The following DOCK8 variants were observed in gnomAD, a reference collection of about 807,000 sequenced individuals.
DOCK8 encodes the protein dedicator of cytokinesis 8.
DOCK8 carries 141 observed loss-of-function variants against 245.6 expected under a neutral mutation model. The ratio of observed to expected loss-of-function variants is 0.57; its 90% CI spans 0.50 to 0.66. The LOEUF (loss-of-function observed/expected upper bound fraction) is 0.66. Ranked by LOEUF, DOCK8 falls within the 30% of genes least tolerant of loss-of-function variation. The pLI is 0.00. For missense variants in DOCK8, 2,965 were observed against 2,603.4 expected, an observed-to-expected ratio of 1.14 and a Z score of -3.02; for synonymous variants, 1,168 against 970.2, an observed-to-expected ratio of 1.20 and a Z score of -3.79.
intron 1 of DOCK8, chr9:268,312 G>A (rs1015157237): frequency 2.0e-4 from 30 of 152,314 alleles, no homozygotes; most frequent in Middle Eastern, 3.4e-3. Context: ...TAGGTATTGG[G>A]TTAGGCTCAA....
At chr9:219,208 G>T (rs1311056598) in intron 1 of DOCK8, among the ~76,000 whole-genome samples, 1 of 152,150 alleles carries the variant, frequency 6.6e-6, no homozygotes, top group African/African-American at 2.4e-5. Flanking sequence ...ACTGGCTCAC[G>T]CCTGTAATCT....
Position 377,145 on chromosome 9 carries a change from C to T in DOCK8, c.2374C>T (p.Leu792=), listed in dbSNP as rs971762484. Residue 792 remains leucine, a synonymous_variant, in exon 20 of 48, where the codon CTG becomes TTG. Coordinates refer to ENST00000432829, the MANE Select transcript of DOCK8 (RefSeq NM_203447.4). ...CCGCCTGGAGCCGCTCGTGCTCTTC[C>T]TGCACCTGGTGCTGGACAAGCTCTT... ...SSRLEPLVLF[L]HLVLDKLFQL... The T allele has an allele frequency of 6.2e-7, 1 of 1,607,388 alleles. No individual in the cohort carries two copies. Among genetic ancestry groups the T allele is most frequent in the African/African-American group, 1.3e-5 (1 of 75,030 alleles).
intron 5 of DOCK8, among the ~76,000 whole-genome samples, chr9:306,356 C>T (rs2049827220): frequency 6.6e-6 from 1 of 152,166 alleles, no homozygotes; most frequent in Admixed American, 6.5e-5. Context: ...GGATGCTCTG[C>T]TCTATGGGAG....
intron 4 of DOCK8, among the ~76,000 whole-genome samples, chr9:293,616 C>G (rs1358540893): frequency 2.0e-5 from 3 of 152,230 alleles, no homozygotes; most frequent in African/African-American, 7.2e-5. Context: ...TATCTTTATT[C>G]AGTGAGTTCC....
At position 328,096 on chromosome 9, in the gene DOCK8, G is replaced by A. The variant is rs751839655; in HGVS notation, c.969G>A (p.Val323=). The A allele has an allele frequency of 1.2e-6, 2 of 1,614,172 alleles. No homozygotes were observed. Among genetic ancestry groups the A allele is most frequent in the Admixed American group, 1.7e-5 (1 of 60,028 alleles). The change falls in exon 9 of 48, where the codon GTG becomes GTA. Residue 323 remains valine, a synonymous_variant. Transcript: ENST00000432829. ...KGFLRAHTPS[V]AASSQARSAV... Reference sequence around the variant, plus strand: ...TTCTGCGAGCTCACACGCCTTCAGTGGCCGCATCAAGTCAGGCGAGATCTG... The same window carrying A: ...TTCTGCGAGCTCACACGCCTTCAGTAGCCGCATCAAGTCAGGCGAGATCTG...
Position 334,286 on chromosome 9 carries a change from A to G in DOCK8, c.1187A>G (p.Lys396Arg). 1 of 1,614,228 alleles carries G rather than the reference A, an allele frequency of 6.2e-7. No individual in the cohort carries two copies. Residue 396 changes from lysine to arginine, a missense_variant, in exon 11 of 48, where the codon AAA (lysine) becomes AGA (arginine). Physicochemically the swap from Lys to Arg is conservative, Grantham distance 26. This residue lies in a region of DOCK8 where 2,825 missense variants were observed against 2,453.5 expected (regional missense o/e 1.15). Transcript: ENST00000432829. Reference sequence around the variant, plus strand: ...GAATCCTTCTGCCAGCGTTTGGGGAAATACCGGATGCCCTTTGCCTGGGCA... The same window carrying G: ...GAATCCTTCTGCCAGCGTTTGGGGAGATACCGGATGCCCTTTGCCTGGGCA... ...QAESFCQRLG[K>R]YRMPFAWAPI... is the part of the protein sequence containing the mutation.
At chr9:356,283 C>T (rs985634659) in intron 14 of DOCK8, among the ~76,000 whole-genome samples, 4 of 152,070 alleles carry the variant, frequency 2.6e-5, no homozygotes, top group Non-Finnish European at 5.9e-5. Flanking sequence ...AATCCCAGCA[C>T]TTTGGGAGAC....
In DOCK8 at chr9:344,503, G is replaced by A. The variant is rs532059318; in HGVS notation, c.1679+4182G>A. ...TCACGACATGGAAATGGAAAGAATCGAGTGAGGTCTGAACCCCAGGTAAAA... is the reference window on the plus strand; with the variant it reads ...TCACGACATGGAAATGGAAAGAATCAAGTGAGGTCTGAACCCCAGGTAAAA... On this transcript the variant is annotated intron_variant, in intron 14 of 47. Coordinates refer to ENST00000432829, the MANE Select transcript of DOCK8 (RefSeq NM_203447.4). Among the ~76,000 whole-genome samples the A allele has an allele frequency of 1.8e-4, 27 of 151,938 alleles. No homozygotes were observed. The South Asian group carries it at 5.6e-3, about 32-fold the overall frequency.
At chr9:324,964 C>G (rs566167762) in intron 7 of DOCK8, among the ~76,000 whole-genome samples, 10 of 152,118 alleles carry the variant, frequency 6.6e-5, no homozygotes, top group African/African-American at 2.4e-4. Flanking sequence ...TTTTTTATCC[C>G]TCATCCCCCT....
At chr9:357,822 A>C (rs934358612) in intron 14 of DOCK8, among the ~76,000 whole-genome samples, 3 of 152,174 alleles carry the variant, frequency 2.0e-5, no homozygotes, top group Non-Finnish European at 4.4e-5. Context: ...GCCCTGGAAC[A>C]TGTTTTACCT....
chr9:274,455 G>T (rs10429525), intron 2 of DOCK8, among the ~76,000 whole-genome samples: 9 of 150,112 alleles, frequency 6.0e-5, no homozygotes, highest in East Asian at 3.9e-4. Context: ...GAAGCCCAGA[G>T]GATTGAATTC....
intron 27 of DOCK8, 142 bp from the exon 28 acceptor site, chr9:406,788 C>T (rs923553440): frequency 5.8e-5 from 58 of 993,246 alleles, no homozygotes; most frequent in African/African-American, 2.2e-4. Context: ...TTTCCTTGTC[C>T]GCCTTATCTG....
chr9:323,763 A>C (rs1021664026), intron 7 of DOCK8, among the ~76,000 whole-genome samples: 1 of 152,216 alleles, frequency 6.6e-6, no homozygotes, highest in African/African-American at 2.4e-5. Context: ...TCATGAAGTA[A>C]CTGTCTTTTT....
chr9:315,149 A>G (rs754443178), intron 6 of DOCK8, among the ~76,000 whole-genome samples: 1 of 152,226 alleles, frequency 6.6e-6, no homozygotes, highest in Non-Finnish European at 1.5e-5. Context: ...AATCACAGGT[A>G]GGCAAATGTG....
upstream of DOCK8, chr9:214,639 T>C (rs780233407): frequency 5.6e-6 from 9 of 1,611,860 alleles, no homozygotes; most frequent in African/African-American, 1.1e-4. Context: ...TCGCCTGTCG[T>C]CCGCCCGCGC....
chr9:356,191 T>C (rs75336271), intron 14 of DOCK8, among the ~76,000 whole-genome samples: 2,585 of 152,250 alleles, frequency 0.017, 78 homozygotes, highest in African/African-American at 0.059. Flanking sequence ...ATTTATCCAG[T>C]GGACCTTTTG....
Position 214,869 on chromosome 9 carries a change from G to C in DOCK8, c.-108G>C, listed in dbSNP as rs1350335846. ...CGGAAGTTTCCAGCGCCGACCGACA[G>C]ACGAGGTTTGCGCTTGGCTGGGCAT... On this transcript the variant is annotated 5_prime_UTR_variant, in exon 1 of 48. Coordinates refer to ENST00000432829, the MANE Select transcript of DOCK8 (RefSeq NM_203447.4). 9.4e-6 allele frequency: 15 copies of C among 1,601,750 alleles called. No homozygotes were observed. The highest frequency in any genetic ancestry group is 3.3e-4 in the Middle Eastern group (2 of 6,052).
chr9:400,261 A>T (rs1360314690), intron 26 of DOCK8, among the ~76,000 whole-genome samples: 74 of 75,900 alleles, frequency 9.7e-4, no homozygotes, highest in African/African-American at 2.1e-3. Context: ...CATCACCACC[A>T]CCTCCACCAT....
intron 14 of DOCK8, among the ~76,000 whole-genome samples, chr9:342,231 G>A (rs759420745): frequency 5.9e-5 from 9 of 151,518 alleles, no homozygotes; most frequent in Non-Finnish European, 1.3e-4. Context: ...GTTGAGGATT[G>A]CTGCTCTAGG....
Sources: gnomAD v4.1 joint callset for allele counts (sites outside exome capture counted in the v4.1 genomes callset) on GRCh38, gnomAD v4.1.1 for gene constraint, gnomAD v4.1.1 regional missense constraint, MANE v1.5 for transcripts, NCBI Gene and HGNC (gene_info 2026-07-23, HGNC 2026-07-21) for gene names.